Variants in KCNC2 observed in about 807,000 individuals in gnomAD.
The protein encoded by KCNC2 is potassium voltage-gated channel subfamily C member 2.
A neutral mutation model predicts 44.5 loss-of-function variants in KCNC2; 21 were observed. That is an observed-to-expected ratio of 0.47 (90% CI 0.33 to 0.68). KCNC2 has a LOEUF of 0.68. Ranked by LOEUF, KCNC2 falls within the 30% of genes least tolerant of loss-of-function variation. The pLI is 0.01. For missense variants in KCNC2, 589 were observed against 826.2 expected (o/e 0.71, Z 3.52); for synonymous variants, 391 against 339.1 (o/e 1.15, Z -1.68).
intron 2 of KCNC2, among the ~76,000 whole-genome samples, chr12:75,097,926 A>G (rs2137163509): frequency 6.6e-6 from 1 of 152,284 alleles, no homozygotes; most frequent in Middle Eastern, 3.4e-3. Context: ...TAGGAAAATA[A>G]GAACAGTAGC....
chr12:75,076,417 C>T (rs1271421122), intron 2 of KCNC2, among the ~76,000 whole-genome samples: 2 of 152,102 alleles, frequency 1.3e-5, no homozygotes, highest in African/African-American at 2.4e-5. Context: ...GGACTAGAGG[C>T]GCCCGCTACC....
chr12:75,187,141 C>T (rs1466703194), intron 2 of KCNC2, among the ~76,000 whole-genome samples: 1 of 152,166 alleles, frequency 6.6e-6, no homozygotes. Context: ...GGAAGATAAG[C>T]ACTTTCCCTT....
At chr12:75,169,671 G>A (rs1593016007) in intron 2 of KCNC2, among the ~76,000 whole-genome samples, 1 of 151,544 alleles carries the variant, frequency 6.6e-6, no homozygotes, top group East Asian at 1.9e-4. Context: ...AAATTACTAT[G>A]ATTGTTGTTT....
At chr12:75,115,923 T>C (rs1205989253) in intron 2 of KCNC2, among the ~76,000 whole-genome samples, 1 of 152,182 alleles carries the variant, frequency 6.6e-6, no homozygotes, top group Non-Finnish European at 1.5e-5. Flanking sequence ...TTATTTAAAC[T>C]ACTCAAGGAA....
intron 2 of KCNC2, among the ~76,000 whole-genome samples, chr12:75,145,467 TA>T (rs35359949): frequency 0.17 from 24,320 of 147,250 alleles, 2,411 homozygotes; most frequent in Middle Eastern, 0.29. Context: ...TTTCTTTTAT[TA>T]AAAAAAAAAA....
intron 2 of KCNC2, among the ~76,000 whole-genome samples, chr12:75,194,508 C>A (rs2030588490): frequency 6.6e-6 from 1 of 152,286 alleles, no homozygotes; most frequent in East Asian, 1.9e-4. Flanking sequence ...TCTTAAGTCA[C>A]CCCTTTGAAG....
chr12:75,165,333 A>G (rs1703215966), intron 2 of KCNC2, among the ~76,000 whole-genome samples: 1 of 151,538 alleles, frequency 6.6e-6, no homozygotes, highest in South Asian at 2.1e-4. Flanking sequence ...CATACACTTA[A>G]AGAAATATGC....
intron 2 of KCNC2, among the ~76,000 whole-genome samples, chr12:75,102,388 G>A (rs1313323708): frequency 6.6e-6 from 1 of 150,522 alleles, no homozygotes; most frequent in East Asian, 2.0e-4. Context: ...ATGCAAATGA[G>A]ATGACTAAGG....
rs187631215 is a variant in KCNC2, at chr12:75,094,743, G to A, written c.688-43426C>T. Among the ~76,000 whole-genome samples the A allele has an allele frequency of 6.6e-5, 10 of 151,776 alleles. No individual in the cohort carries two copies. In the East Asian group the frequency reaches 1.9e-3, roughly 29 times the overall value. On this transcript the variant is annotated intron_variant, in intron 2 of 4. Coordinates refer to ENST00000549446, the MANE Select transcript of KCNC2 (RefSeq NM_139137.4). ...AATCAGAGCTGATAAGGATTAATTA[G>A]CTACATCTGTCCTCATGACAGTCCT... is the stretch of plus-strand genomic sequence containing the variant.
intron 2 of KCNC2, among the ~76,000 whole-genome samples, chr12:75,196,478 A>G (rs1233470024): frequency 6.6e-6 from 1 of 152,068 alleles, no homozygotes; most frequent in Non-Finnish European, 1.5e-5. Flanking sequence ...AATAGCAATG[A>G]TAATGTTAAG....
chr12:75,119,633 C>G (rs777053564), intron 2 of KCNC2, among the ~76,000 whole-genome samples: 9 of 152,122 alleles, frequency 5.9e-5, no homozygotes, highest in Non-Finnish European at 1.2e-4. Context: ...AGTAAAGACT[C>G]TTGCCCCAGA....
intron 2 of KCNC2, among the ~76,000 whole-genome samples, chr12:75,198,835 A>G (rs553392755): frequency 1.7e-3 from 262 of 151,844 alleles, no homozygotes; most frequent in African/African-American, 6.0e-3. Context: ...TGGCCTTCTC[A>G]TGGAGCACAA....
intron 2 of KCNC2, among the ~76,000 whole-genome samples, chr12:75,139,707 A>G (rs568216512): frequency 1.1e-4 from 17 of 152,352 alleles, no homozygotes; most frequent in African/African-American, 3.4e-4. Flanking sequence ...ATAAAATAAA[A>G]TAATAGTTGA....
chr12:75,061,103 CAG>C (rs1592780952), intron 2 of KCNC2, among the ~76,000 whole-genome samples: 1 of 152,064 alleles, frequency 6.6e-6, no homozygotes, highest in Admixed American at 6.6e-5. Context: ...AAGCTTGTAA[CAG>C]AGAGTTTTAT....
intron 2 of KCNC2, among the ~76,000 whole-genome samples, chr12:75,149,762 TATAAA>T (rs1165089799): frequency 6.6e-6 from 1 of 151,670 alleles, no homozygotes; most frequent in African/African-American, 2.4e-5. Context: ...TATCTGATAA[TATAAA>T]AGGAAGATAA....
At chr12:75,149,186 G>A (rs1168383939) in intron 2 of KCNC2, among the ~76,000 whole-genome samples, 1 of 151,554 alleles carries the variant, frequency 6.6e-6, no homozygotes. Flanking sequence ...AAAGTTGGAG[G>A]AACTCTGTAT....
intron 4 of KCNC2, among the ~76,000 whole-genome samples, chr12:75,047,621 C>T (rs975842692): frequency 5.3e-5 from 8 of 151,928 alleles, no homozygotes; most frequent in African/African-American, 1.4e-4. Context: ...CATATGACTG[C>T]GGATCACGAG....
At position 75,208,094 on chromosome 12, in the gene KCNC2, A is replaced by T. The variant is rs552070229; in HGVS notation, c.-19-92T>A. ...CCACCAACCCAGAGCGAGTCCAGGGATGCAGAGTTGGCAGACAGGCACGGG... is the reference window on the plus strand; with the variant it reads ...CCACCAACCCAGAGCGAGTCCAGGGTTGCAGAGTTGGCAGACAGGCACGGG... On this transcript the variant is annotated intron_variant, in intron 1 of 4. Coordinates refer to ENST00000549446, the MANE Select transcript of KCNC2 (RefSeq NM_139137.4). 11 of 1,492,950 alleles carry T rather than the reference A, an allele frequency of 7.4e-6. 1 individual carries two copies. In the South Asian group the frequency reaches 1.1e-4, roughly 14 times the overall value. The allele number at this position is 1,492,950 out of a possible 1,614,324, so 92.5% of individuals were successfully genotyped here.
At chr12:75,078,366 T>G (rs1884184225) in intron 2 of KCNC2, among the ~76,000 whole-genome samples, 2 of 152,200 alleles carry the variant, frequency 1.3e-5, no homozygotes, top group African/African-American at 2.4e-5. Context: ...ACTCATGTGT[T>G]TCAACATTCA....
Sources: allele counts gnomAD v4.1 joint callset (sites outside exome capture counted in the v4.1 genomes callset), GRCh38; gene constraint gnomAD v4.1.1; transcripts MANE v1.5; gene names NCBI Gene and HGNC (gene_info 2026-07-23, HGNC 2026-07-21).